The following ZAP70 variants were observed in gnomAD, a reference collection of about 807,000 sequenced individuals.
ZAP70 encodes the protein tyrosine-protein kinase ZAP-70.
Under a neutral mutation model 65.8 loss-of-function variants are expected in ZAP70, and 27 were observed. The observed-to-expected ratio is 0.41, with a 90% CI of 0.30 to 0.57. The LOEUF is 0.57. Ranked by LOEUF, ZAP70 falls within the 20% of genes least tolerant of loss-of-function variation. ZAP70 has a pLI of 0.28. For synonymous variants in ZAP70, 363 were observed against 360.8 expected (o/e 1.01, Z -0.07); for missense variants, 696 against 870.5 (o/e 0.80, Z 2.52).
rs750993253 is a variant in ZAP70, at chr2:97,724,162, G to T, written c.126G>T (p.Ser42=). 15 of 1,582,412 alleles carry T rather than the reference G, an allele frequency of 9.5e-6. No individual in the cohort carries two copies. The highest frequency in any genetic ancestry group is 1.3e-5 in the Non-Finnish European group (15 of 1,165,178). ...TCCTGCTGCGCCAGTGCCTGCGCTCGCTGGGCGGCTATGTGCTGTCGCTCG... is the reference window on the plus strand; with the variant it reads ...TCCTGCTGCGCCAGTGCCTGCGCTCTCTGGGCGGCTATGTGCTGTCGCTCG... ...GLFLLRQCLR[S]LGGYVLSLVH... is the part of the protein sequence containing the mutation. The change falls in exon 3 of 14, where the codon TCG becomes TCT. Residue 42 remains serine (S), a synonymous_variant. Coordinates refer to ENST00000264972, the MANE Select transcript of ZAP70 (RefSeq NM_001079.4).
Position 97,739,665 on chromosome 2 carries a change from T to C in ZAP70, c.*167T>C. 2 of 1,089,592 alleles carry C rather than the reference T, an allele frequency of 1.8e-6. No individual in the cohort carries two copies. The highest frequency in any genetic ancestry group is 1.6e-5 in the African/African-American group (1 of 64,454). 67.5% of individuals were successfully genotyped at this position (1,089,592 alleles called of 1,614,324 possible). Reference sequence around the variant, plus strand: ...GCCTTGCATTGCCTGCCTGGCCCCCTGTCCTCTCTGGCTGGGGAGCAGGGA... The same window carrying C: ...GCCTTGCATTGCCTGCCTGGCCCCCCGTCCTCTCTGGCTGGGGAGCAGGGA... On this transcript the variant is annotated 3_prime_UTR_variant, in exon 14 of 14. Coordinates refer to ENST00000264972, the MANE Select transcript of ZAP70 (RefSeq NM_001079.4).
In ZAP70 at chr2:97,736,961, A is replaced by G. The variant is rs76309139; in HGVS notation, c.1290-512A>G. Among the ~76,000 whole-genome samples the G allele has an allele frequency of 3.2e-3, 482 of 152,110 alleles. 9 individuals carry two copies. In the East Asian group the frequency reaches 0.035, roughly 11 times the overall value. On this transcript the variant is annotated intron_variant, in intron 10 of 13. Transcript: ENST00000264972. The surrounding 1 kb of genome is among the most constrained non-coding windows in gnomAD (Gnocchi z 4.0). ...AGCGAGGGCCTGGGCGGAGCTGACT[A>G]TTCCTGCCTGGGGGTCCAGGTGAGT... is the stretch of plus-strand genomic sequence containing the variant.
chr2:97,719,062 G>C (rs1251536721), intron 2 of ZAP70, among the ~76,000 whole-genome samples: 3 of 152,142 alleles, frequency 2.0e-5, no homozygotes, highest in Non-Finnish European at 4.4e-5. Context: ...TAGCCATTAG[G>C]GTCTTGAGCA....
intron 2 of ZAP70, among the ~76,000 whole-genome samples, chr2:97,716,480 C>T (rs1249584852): frequency 6.6e-6 from 1 of 152,146 alleles, no homozygotes; most frequent in African/African-American, 2.4e-5. Flanking sequence ...AACAACAAAG[C>T]TGGGTCAGGG....
At chr2:97,751,198 A>G in the ZAP70 span, among the ~76,000 whole-genome samples, 4 of 152,270 alleles carry the variant, frequency 2.6e-5, no homozygotes, top group African/African-American at 7.2e-5. Flanking sequence ...CCACTGAAGC[A>G]CAGATCGTAT....
intron 2 of ZAP70, among the ~76,000 whole-genome samples, chr2:97,720,251 G>A (rs1254558884): frequency 5.3e-5 from 8 of 151,956 alleles, no homozygotes; most frequent in Admixed American, 2.0e-4. Context: ...GTTTTGAGAT[G>A]GAGTTTTGCT....
In ZAP70 at chr2:97,739,448, G is replaced by A; in HGVS notation, c.1810G>A (p.Val604Met). 3 of 1,613,844 alleles carry A rather than the reference G, an allele frequency of 1.9e-6. No individual in the cohort carries two copies. The highest frequency in any genetic ancestry group is 2.5e-6 in the Non-Finnish European group (3 of 1,179,942). ...RACYYSLASK[V>M]EGPPGSTQKA... ...CTGTTACTACAGCCTGGCCAGCAAG[G>A]TGGAAGGGCCCCCAGGCAGCACACA... The change falls in exon 14 of 14, where the codon GTG becomes ATG. Residue 604 changes from valine (V) to methionine (M), a missense_variant. This residue lies in a region of ZAP70 where 78 missense variants were observed against 88.6 expected (regional missense o/e 0.88). Transcript: ENST00000264972.
At chr2:97,725,358 CTGTGCTCACA>C (rs1559321254) in intron 4 of ZAP70, 106 bp downstream of exon 4, 3 of 1,410,888 alleles carry the variant, frequency 2.1e-6, no homozygotes, top group Non-Finnish European at 9.9e-7. Flanking sequence ...AAGGGTGTCC[CTGTGCTCACA>C]TGTGCAAGTG....
chr2:97,753,969 G>A, the ZAP70 span, among the ~76,000 whole-genome samples: 14 of 152,280 alleles, frequency 9.2e-5, no homozygotes, highest in East Asian at 3.9e-4. Context: ...CAGCCTGGGC[G>A]ACAGAGCAAG....
intron 2 of ZAP70, among the ~76,000 whole-genome samples, chr2:97,714,552 A>C (rs957999707): frequency 2.0e-5 from 3 of 152,182 alleles, no homozygotes; most frequent in African/African-American, 7.2e-5. Context: ...CATCTGTTAA[A>C]TGCACATGCA....
At chr2:97,749,913 C>T in the ZAP70 span, among the ~76,000 whole-genome samples, 1 of 152,334 alleles carries the variant, frequency 6.6e-6, no homozygotes, top group South Asian at 2.1e-4. Flanking sequence ...GCCTCATGCC[C>T]CCTGCCAAAT....
chr2:97,729,751 A>C (rs1197742912), intron 4 of ZAP70, among the ~76,000 whole-genome samples: 1 of 151,316 alleles, frequency 6.6e-6, no homozygotes, highest in African/African-American at 2.4e-5. Context: ...AATCAAGTAG[A>C]ACTTATGGTA....
At chr2:97,734,441 G>T in intron 8 of ZAP70, 79 bp from the exon 9 acceptor site, 1 of 1,508,608 alleles carries the variant, frequency 6.6e-7, no homozygotes. Context: ...GTCTGGGGCA[G>T]GTGCTTGTGG....
At position 97,724,254 on chromosome 2, in the gene ZAP70, G is replaced by T; in HGVS notation, c.218G>T (p.Gly73Val). ...CTCAACGGCACCTACGCCATTGCCG[G>T]CGGCAAAGCGCACTGTGGACCGGCA... ...RQLNGTYAIA[G>V]GKAHCGPAEL... is the part of the protein sequence containing the mutation. Residue 73 changes from glycine to valine, a missense_variant, in exon 3 of 14, where the codon GGC becomes GTC. Gly to Val is a moderately radical substitution (Grantham distance 109). Transcript: ENST00000264972. 1 of 1,604,792 alleles carries T rather than the reference G, an allele frequency of 6.2e-7. No homozygotes were observed.
At chr2:97,750,496 T>G in the ZAP70 span, among the ~76,000 whole-genome samples, 1 of 152,232 alleles carries the variant, frequency 6.6e-6, no homozygotes, top group Non-Finnish European at 1.5e-5. Context: ...TAAAGCGAGT[T>G]GTTGAATCGC....
downstream of ZAP70, among the ~76,000 whole-genome samples, chr2:97,743,734 T>C (rs1678184759): frequency 6.6e-6 from 1 of 152,256 alleles, no homozygotes; most frequent in South Asian, 2.1e-4. Context: ...TTATTCTCTA[T>C]TTCCTCAGAC....
At chr2:97,733,654 G>C (rs1677717184) in intron 8 of ZAP70, 59 bp downstream of exon 8, 1 of 1,606,414 alleles carries the variant, frequency 6.2e-7, no homozygotes, top group South Asian at 1.1e-5. Flanking sequence ...GATCAGGGTC[G>C]CTGTCAGGGC....
Position 97,739,625 on chromosome 2 carries a change from T to A in ZAP70, c.*127T>A. The A allele has an allele frequency of 7.1e-7, 1 of 1,403,850 alleles. No individual in the cohort carries two copies. Among genetic ancestry groups the A allele is most frequent in the South Asian group, 1.3e-5 (1 of 74,340 alleles). 87.0% of individuals were successfully genotyped at this position (1,403,850 alleles called of 1,614,324 possible). A position where few individuals can be genotyped will look rare whatever the true frequency, so the allele number is the denominator to read the frequency against. ...CACAGCTGGGCTGTGGTAGGGGGTG[T>A]CTCAGGCCACACCGGCCTTGCATTG... is the stretch of plus-strand genomic sequence containing the variant. On this transcript the variant is annotated 3_prime_UTR_variant, in exon 14 of 14. Coordinates refer to ENST00000264972, the MANE Select transcript of ZAP70 (RefSeq NM_001079.4).
At chr2:97,742,091 T>C (rs982417277), downstream of ZAP70, among the ~76,000 whole-genome samples, 2 of 152,116 alleles carry the variant, frequency 1.3e-5, no homozygotes, top group Non-Finnish European at 2.9e-5. Context: ...AAGAGAGGTT[T>C]TGGCGGGGCT....
Sources: allele counts gnomAD v4.1 joint callset (sites outside exome capture counted in the v4.1 genomes callset), GRCh38; gene constraint gnomAD v4.1.1; regional missense constraint gnomAD v4.1.1; non-coding constraint Gnocchi (gnomAD v3.1); transcripts MANE v1.5; gene names NCBI Gene and HGNC (gene_info 2026-07-23, HGNC 2026-07-21).